DOCK6: variants seen among roughly 807,000 people sequenced by gnomAD.
DOCK6 encodes dedicator of cytokinesis 6.
DOCK6 carries 167 observed loss-of-function variants against 230.3 expected under a neutral mutation model. The ratio of observed to expected loss-of-function variants is 0.73; its 90% CI spans 0.64 to 0.82. DOCK6 has a LOEUF of 0.82. Among genes scored for constraint, DOCK6 ranks in the 40% least tolerant of loss-of-function variants. The probability of loss-of-function intolerance (pLI) is 0.00; values close to 1 mark genes in which losing one functional copy is unlikely to be tolerated. For synonymous variants in DOCK6, 1,148 were observed against 1,185.0 expected, an observed-to-expected ratio of 0.97 and a Z score of 0.64; for missense variants, 2,598 against 2,825.8, an observed-to-expected ratio of 0.92 and a Z score of 1.83.
intron 1 of DOCK6, among the ~76,000 whole-genome samples, chr19:11,255,850 A>G (rs547703819): frequency 1.8e-3 from 273 of 152,068 alleles, no homozygotes; most frequent in South Asian, 2.9e-3. Context: ...GCAGTGGCGC[A>G]ATCTCGGCTC....
rs376865949 is a variant in DOCK6, at chr19:11,261,372, T to G, written c.44+1025A>C. 2.3e-4 allele frequency among the ~76,000 whole-genome samples: 31 copies of G among 137,734 alleles called. 1 individual carries two copies. The East Asian group carries it at 5.6e-3, about 25-fold the overall frequency. 90.4% of individuals were successfully genotyped at this position (137,734 alleles called of 152,430 possible). Reference sequence around the variant, plus strand: ...CCTCCCATCCCCCTTCCCTGTCTTCTTGTCCCTACAGCACTTGTCACTGAC... The same window carrying G: ...CCTCCCATCCCCCTTCCCTGTCTTCGTGTCCCTACAGCACTTGTCACTGAC... On this transcript the variant is annotated intron_variant, in intron 1 of 47. Transcript: ENST00000294618.
In DOCK6 at chr19:11,238,124, G is replaced by A. The variant is rs1191780339; in HGVS notation, c.1762-9C>T. 2 of 1,613,998 alleles carry A rather than the reference G, an allele frequency of 1.2e-6. No individual in the cohort carries two copies. Among genetic ancestry groups the A allele is most frequent in the Non-Finnish European group, 1.7e-6 (2 of 1,179,874 alleles). On this transcript the variant is annotated splice_polypyrimidine_tract_variant and intron_variant, in intron 15 of 47. Coordinates refer to ENST00000294618, the MANE Select transcript of DOCK6 (RefSeq NM_020812.4). ...GACTTGCCAAAGATGACCTGGGAGA[G>A]TGGATTCATGAGGGACCCATGGGGG... is the stretch of plus-strand genomic sequence containing the variant.
Position 11,221,707 on chromosome 19 carries a change from G to A in DOCK6, c.3550+144C>T, listed in dbSNP as rs2079580810. The stretch of plus-strand genomic sequence containing the variant: ...GCTCAGAGATGTTATGACTTAAGTA[G>A]TCTGTCCTAGCACTTTAACCTGCTC... On this transcript the variant is annotated intron_variant, in intron 28 of 47. Coordinates refer to ENST00000294618, the MANE Select transcript of DOCK6 (RefSeq NM_020812.4). 7.2e-6 allele frequency: 9 copies of A among 1,249,914 alleles called. No homozygotes were observed. The East Asian group carries it at 2.1e-4, about 30-fold the overall frequency. The allele number at this position is 1,249,914 out of a possible 1,614,324, so 77.4% of individuals were successfully genotyped here.
At chr19:11,224,504 C>G (rs2079633894) in intron 24 of DOCK6, among the ~76,000 whole-genome samples, 1 of 152,146 alleles carries the variant, frequency 6.6e-6, no homozygotes, top group African/African-American at 2.4e-5. Context: ...AGCCACCATG[C>G]CCAGCCTATA....
At chr19:11,199,952 C>T (rs946427421) in intron 47 of DOCK6, among the ~76,000 whole-genome samples, 1 of 152,040 alleles carries the variant, frequency 6.6e-6, no homozygotes, top group African/African-American at 2.4e-5. Context: ...AGTTCGAGAC[C>T]AGTCTGGCCA....
rs757612643 is a variant in DOCK6, at chr19:11,239,886, G to T, written c.1644-1582C>A. ...AACTCCTGGGGCAGGAGGTCAGCCG[G>T]GGCCGGGATGCAGCCCAGGAACTTC... On this transcript the variant is annotated intron_variant, in intron 14 of 47. Transcript: ENST00000294618. 19 of 1,595,038 alleles carry T rather than the reference G, an allele frequency of 1.2e-5. 1 individual carries two copies. The South Asian group carries it at 2.2e-4, about 18-fold the overall frequency.
intron 1 of DOCK6, chr19:11,253,986 G>A: frequency 2.6e-6 from 1 of 378,858 alleles, no homozygotes; most frequent in Non-Finnish European, 4.7e-6. Context: ...CCTCCCGGCT[G>A]GGCCTGTGGC....
chr19:11,222,254 G>A lies in DOCK6; in HGVS notation c.3241-6C>T, dbSNP rs1310963835. 6.3e-7 allele frequency: 1 copy of A among 1,593,766 alleles called. No homozygotes were observed. Among genetic ancestry groups the A allele is most frequent in the African/African-American group, 1.3e-5 (1 of 74,686 alleles). ...TGGCTGGAGAAGGTGGAGCTCTGCA[G>A]AGTGGGGGAAAAATGGGGGATGCCA... On this transcript the variant is annotated splice_region_variant and splice_polypyrimidine_tract_variant and intron_variant, in intron 26 of 47. Transcript: ENST00000294618. The surrounding 1 kb of genome is among the most constrained non-coding windows in gnomAD (Gnocchi z 4.0).
rs770630374 is a variant in DOCK6 at position 11,236,463 on chromosome 19, C to T, written c.2275G>A (p.Ala759Thr). 2.5e-6 allele frequency: 4 copies of T among 1,594,198 alleles called. No homozygotes were observed. Among genetic ancestry groups the T allele is most frequent in the Non-Finnish European group, 3.4e-6 (4 of 1,171,100 alleles). Residue 759 changes from alanine (A) to threonine (T), a missense_variant, in exon 20 of 48, where the codon GCC becomes ACC. Ala to Thr is a moderately conservative substitution (Grantham distance 58). Coordinates refer to ENST00000294618, the MANE Select transcript of DOCK6 (RefSeq NM_020812.4). This position sits in a 1 kb window ranked among gnomAD's most constrained non-coding sequence, Gnocchi z 5.2. ...GCCAGGCGCAGTGCTGCAAGACTGG[C>T]CCGCAGCTCCTGCTCCACGTTGCCC... ...SEGNVEQELRASLAALRLASP... is the reference protein window; with the variant it reads ...SEGNVEQELRTSLAALRLASP...
At chr19:11,221,545 A>G (rs1218431434) in intron 28 of DOCK6, 1 of 324,470 alleles carries the variant, frequency 3.1e-6, no homozygotes, top group Non-Finnish European at 5.7e-6. Flanking sequence ...CTTCTTAGAA[A>G]ATAATAAATG....
At chr19:11,250,731 A>T in intron 6 of DOCK6, 143 bp downstream of exon 6, 1 of 783,418 alleles carries the variant, frequency 1.3e-6, no homozygotes, top group South Asian at 1.9e-5. Context: ...TAGGATATAC[A>T]GTAGGTGCCC....
chr19:11,204,103 G>A lies in DOCK6; in HGVS notation c.5221-8C>T. ...CACCTCCCAGCCGGAACTCTGTGGGGAAGAGAAGGGTCAAGGTCAGCAGAT... is the reference window on the plus strand; with the variant it reads ...CACCTCCCAGCCGGAACTCTGTGGGAAAGAGAAGGGTCAAGGTCAGCAGAT... On this transcript the variant is annotated splice_region_variant and splice_polypyrimidine_tract_variant and intron_variant, in intron 40 of 47. Coordinates refer to ENST00000294618, the MANE Select transcript of DOCK6 (RefSeq NM_020812.4). The A allele has an allele frequency of 6.5e-7, 1 of 1,547,436 alleles. No homozygotes were observed. Among genetic ancestry groups the A allele is most frequent in the Non-Finnish European group, 8.7e-7 (1 of 1,145,312 alleles).
intron 2 of DOCK6, 55 bp from the exon 3 acceptor site, chr19:11,253,013 G>T (rs1485671368): frequency 6.5e-7 from 1 of 1,529,346 alleles, no homozygotes. Context: ...GAGAGTGGGG[G>T]CACGAGGCAG....
At chr19:11,253,786 ATTCT>A in intron 1 of DOCK6, 60 bp from the exon 2 acceptor site, 6 of 1,175,382 alleles carry the variant, frequency 5.1e-6, no homozygotes, top group Non-Finnish European at 7.1e-6. Flanking sequence ...GAGCGGACAG[ATTCT>A]TTCTATGAGG....
chr19:11,236,760 G>T lies in DOCK6; in HGVS notation c.2160+33C>A, dbSNP rs1405152525. Reference sequence around the variant, plus strand: ...CGTAGGGCAGGCAAGAGGGGAGCAGGGCGGGACTCTTGGTTCCCGGCCCAC... The same window carrying T: ...CGTAGGGCAGGCAAGAGGGGAGCAGTGCGGGACTCTTGGTTCCCGGCCCAC... On this transcript the variant is annotated intron_variant, in intron 19 of 47. Transcript: ENST00000294618. This position sits in a 1 kb window ranked among gnomAD's most constrained non-coding sequence, Gnocchi z 5.2. 6.4e-7 allele frequency: 1 copy of T among 1,550,470 alleles called. No individual in the cohort carries two copies. The highest frequency in any genetic ancestry group is 2.0e-5 in the Admixed American group (1 of 51,008).
At chr19:11,204,717 G>C (rs1290862403) in intron 39 of DOCK6, among the ~76,000 whole-genome samples, 1 of 151,830 alleles carries the variant, frequency 6.6e-6, no homozygotes, top group Non-Finnish European at 1.5e-5. Context: ...TTTTATTTTA[G>C]TTTTTGTAGA....
At chr19:11,245,508 G>T in intron 9 of DOCK6, 55 bp downstream of exon 9, 1 of 1,479,520 alleles carries the variant, frequency 6.8e-7, no homozygotes, top group Non-Finnish European at 9.2e-7. Flanking sequence ...TGAAGGCAGG[G>T]ACTAAATCAG....
chr19:11,229,234 A>C, intron 22 of DOCK6, 199 bp from the exon 23 acceptor site: 1 of 1,311,088 alleles, frequency 7.6e-7, no homozygotes, highest in South Asian at 1.9e-5. Context: ...ATGGGGGAGG[A>C]GCACTGGACC....
chr19:11,228,864 G>A (rs2079716065), intron 23 of DOCK6, 76 bp downstream of exon 23: 1 of 1,442,260 alleles, frequency 6.9e-7, no homozygotes. Flanking sequence ...GCCTGGCCAG[G>A]GGGCTTCTCT....
Sources: gnomAD v4.1 joint callset for allele counts (sites outside exome capture counted in the v4.1 genomes callset) on GRCh38, gnomAD v4.1.1 for gene constraint, Gnocchi (gnomAD v3.1) non-coding constraint, MANE v1.5 for transcripts, NCBI Gene and HGNC (gene_info 2026-07-23, HGNC 2026-07-21) for gene names.